PCDH11X: variants seen among roughly 807,000 people sequenced by gnomAD.
The protein encoded by PCDH11X is protocadherin-11 X-linked.
Under a neutral mutation model 53.3 loss-of-function variants are expected in PCDH11X, and 18 were observed. The observed-to-expected ratio is 0.34, with a 90% CI of 0.23 to 0.50. The LOEUF (loss-of-function observed/expected upper bound fraction) is 0.50, where lower values mean the gene tolerates loss of function less well. Ranked by LOEUF, PCDH11X falls within the 20% of genes least tolerant of loss-of-function variation. PCDH11X has a pLI of 0.98. For missense variants in PCDH11X, 570 were observed against 1,032.4 expected, an observed-to-expected ratio of 0.55 and a Z score of 6.14; for synonymous variants, 279 against 393.3, an observed-to-expected ratio of 0.71 and a Z score of 3.44.
intron 10 of PCDH11X, among the ~76,000 whole-genome samples, chrX:92,583,118 T>A (rs865962163): frequency 2.4e-4 from 21 of 85,924 alleles, no homozygotes; most frequent in African/African-American, 1.0e-3. Flanking sequence ...TTTTTTTTTT[T>A]AGATGGATTC....
At chrX:92,490,796 G>A (rs1182263190) in intron 10 of PCDH11X, among the ~76,000 whole-genome samples, 1 of 108,111 alleles carries the variant, frequency 9.2e-6, no homozygotes, top group Non-Finnish European at 1.9e-5. Context: ...AGAAAAGAAA[G>A]AGAAAGAAAG....
chrX:92,104,509 G>A (rs1285625602), intron 6 of PCDH11X, among the ~76,000 whole-genome samples: 2 of 111,309 alleles, frequency 1.8e-5, no homozygotes, highest in Non-Finnish European at 3.8e-5. Context: ...AGATCTTGCA[G>A]GATGGAAAAA....
intron 8 of PCDH11X, among the ~76,000 whole-genome samples, chrX:92,291,928 A>T (rs1239291840): frequency 2.7e-5 from 3 of 111,327 alleles, no homozygotes; most frequent in African/African-American, 9.8e-5. Context: ...AGCAAAAAAT[A>T]ATTAAAATAA....
chrX:92,432,359 A>G (rs1170132210), intron 9 of PCDH11X, among the ~76,000 whole-genome samples: 3 of 110,187 alleles, frequency 2.7e-5, no homozygotes, highest in Non-Finnish European at 5.7e-5. Context: ...TACTTTATAA[A>G]ATATATTTAA....
intron 10 of PCDH11X, among the ~76,000 whole-genome samples, chrX:92,491,629 C>A (rs936430045): frequency 2.7e-5 from 3 of 110,416 alleles, no homozygotes; most frequent in African/African-American, 9.9e-5. Flanking sequence ...GTATACTATA[C>A]AATAATATTA....
chrX:92,069,030 T>C (rs987041933), intron 6 of PCDH11X, among the ~76,000 whole-genome samples: 4 of 110,230 alleles, frequency 3.6e-5, no homozygotes, highest in African/African-American at 9.9e-5. Flanking sequence ...AGTTTCTTTG[T>C]TGATTTTCTG....
intron 10 of PCDH11X, among the ~76,000 whole-genome samples, chrX:92,539,951 T>C (rs897237100): frequency 1.8e-5 from 2 of 111,291 alleles, no homozygotes; most frequent in African/African-American, 3.3e-5. Flanking sequence ...ACTGTGGGCA[T>C]TGTGATGCAA....
chrX:92,481,764 C>A lies in PCDH11X; in HGVS notation c.3367+13442C>A, dbSNP rs151119501. Among the ~76,000 whole-genome samples the A allele has an allele frequency of 1.6e-3, 179 of 111,280 alleles. 3 individuals carry two copies. In the East Asian group the frequency reaches 0.017, roughly 11 times the overall value. On this transcript the variant is annotated intron_variant, in intron 10 of 10. Transcript: ENST00000682573. ...CTCCCGCACCAAACCCTCTGCGCTCCTCACTGGATGAAAGGCTGCCCTTAC... is the reference window on the plus strand; with the variant it reads ...CTCCCGCACCAAACCCTCTGCGCTCATCACTGGATGAAAGGCTGCCCTTAC...
chrX:91,917,569 C>CAAAAAAAAAAA (rs59199030), intron 6 of PCDH11X, among the ~76,000 whole-genome samples: 1 of 15,891 alleles, frequency 6.3e-5, no homozygotes, highest in African/African-American at 2.4e-4. Context: ...ACAGCAGCTG[C>CAAAAAAAAAAA]AAAAAAAAAA....
intron 6 of PCDH11X, among the ~76,000 whole-genome samples, chrX:91,978,923 G>T (rs113454328): frequency 0.019 from 2,075 of 111,619 alleles, 38 homozygotes; most frequent in African/African-American, 0.063. Context: ...ATGATTTGAG[G>T]TATATGGTAT....
chrX:92,357,132 A>T (rs1168250514), intron 8 of PCDH11X, among the ~76,000 whole-genome samples: 152 of 57,710 alleles, frequency 2.6e-3, no homozygotes, highest in African/African-American at 9.6e-3. Context: ...TTTTTTTTTA[A>T]AAAAAAGCCT....
chrX:92,145,798 T>C (rs938362278), intron 6 of PCDH11X, among the ~76,000 whole-genome samples: 1 of 110,468 alleles, frequency 9.1e-6, no homozygotes, highest in Admixed American at 9.8e-5. Context: ...GTCCACCCCA[T>C]TGGGCTTTTG....
chrX:91,907,592 T>A (rs1313385449), intron 6 of PCDH11X, among the ~76,000 whole-genome samples: 2 of 108,397 alleles, frequency 1.8e-5, no homozygotes, highest in Non-Finnish European at 3.8e-5. Context: ...AGTTATTTCT[T>A]TAACAGTTTT....
At chrX:92,230,515 AATATATATAAAATAC>A (rs2067054126) in intron 7 of PCDH11X, among the ~76,000 whole-genome samples, 1 of 93,977 alleles carries the variant, frequency 1.1e-5, no homozygotes, top group African/African-American at 3.8e-5. Flanking sequence ...TATAATATAT[AATATATATAAAATAC>A]ATATATAATA....
intron 8 of PCDH11X, among the ~76,000 whole-genome samples, chrX:92,268,417 G>A (rs73530447): frequency 0.07 from 7,712 of 110,214 alleles, 476 homozygotes; most frequent in East Asian, 0.28. Flanking sequence ...TCAGCCTCCC[G>A]AGTAGCTGGG....
At chrX:92,259,674 T>C (rs966965126) in intron 7 of PCDH11X, among the ~76,000 whole-genome samples, 6 of 111,555 alleles carry the variant, frequency 5.4e-5, no homozygotes, top group African/African-American at 2.0e-4. Flanking sequence ...TATCACCTTT[T>C]ATCTGTCACA....
At chrX:92,519,609 C>T (rs747976165) in intron 10 of PCDH11X, among the ~76,000 whole-genome samples, 42 of 110,341 alleles carry the variant, frequency 3.8e-4, no homozygotes, top group Non-Finnish European at 7.0e-4. Context: ...ATAGTGACGT[C>T]GTATTCTTTG....
intron 6 of PCDH11X, among the ~76,000 whole-genome samples, chrX:92,184,092 C>G (rs1008082077): frequency 8.1e-5 from 9 of 111,521 alleles, no homozygotes; most frequent in African/African-American, 2.9e-4. Context: ...CAGTGTATAA[C>G]AAATAGTAGG....
rs752856084 is a variant in PCDH11X, at chrX:91,942,801, G to A, written c.3033+63528G>A. Among the ~76,000 whole-genome samples the A allele has an allele frequency of 2.7e-5, 3 of 110,939 alleles. No individual in the cohort carries two copies. In the South Asian group the frequency reaches 1.1e-3, roughly 41 times the overall value. On this transcript the variant is annotated intron_variant, in intron 6 of 10. Transcript: ENST00000682573. ...AAGATCAACATCCTTAATGAATATAGATATAAAATTCTAAACAAAATTATA... is the reference window on the plus strand; with the variant it reads ...AAGATCAACATCCTTAATGAATATAAATATAAAATTCTAAACAAAATTATA...
Sources: gnomAD v4.1 joint callset for allele counts (sites outside exome capture counted in the v4.1 genomes callset) on GRCh38, gnomAD v4.1.1 for gene constraint, MANE v1.5 for transcripts, NCBI Gene and HGNC (gene_info 2026-07-23, HGNC 2026-07-21) for gene names.